Variants in MTX2 observed in about 807,000 individuals in gnomAD.
The protein encoded by MTX2 is metaxin-2.
In MTX2, 35 loss-of-function variants were observed where a neutral mutation model predicts 42.3. The ratio of observed to expected loss-of-function variants is 0.83; its 90% CI spans 0.63 to 1.10. The LOEUF (loss-of-function observed/expected upper bound fraction) is 1.10. Ranked by LOEUF, MTX2 falls within the 50% of genes least tolerant of loss-of-function variation. The probability of loss-of-function intolerance (pLI) is 0.00; values close to 1 mark genes in which losing one functional copy is unlikely to be tolerated. For synonymous variants in MTX2, 119 were observed against 100.9 expected, an observed-to-expected ratio of 1.18 and a Z score of -1.08; for missense variants, 307 against 304.1, an observed-to-expected ratio of 1.01 and a Z score of -0.07.
intron 1 of MTX2, among the ~76,000 whole-genome samples, chr2:176,277,822 G>A (rs1265321823): frequency 6.6e-6 from 1 of 151,836 alleles, no homozygotes; most frequent in Non-Finnish European, 1.5e-5. Context: ...CGACCGTCAC[G>A]TTTAAGAGAA....
At chr2:176,290,627 A>G (rs1465964376) in intron 1 of MTX2, among the ~76,000 whole-genome samples, 1 of 152,152 alleles carries the variant, frequency 6.6e-6, no homozygotes, top group Non-Finnish European at 1.5e-5. Context: ...CTCATGATTC[A>G]TAGATTTACA....
At chr2:176,283,106 A>G (rs1693119798) in intron 1 of MTX2, among the ~76,000 whole-genome samples, 1 of 152,106 alleles carries the variant, frequency 6.6e-6, no homozygotes, top group Non-Finnish European at 1.5e-5. Context: ...GGCCAACATA[A>G]CTCACACAAT....
At chr2:176,288,415 CT>C (rs1693255374) in intron 1 of MTX2, among the ~76,000 whole-genome samples, 1 of 151,906 alleles carries the variant, frequency 6.6e-6, no homozygotes. Flanking sequence ...CTTGCAGTAA[CT>C]TGTCCATGTT....
intron 1 of MTX2, among the ~76,000 whole-genome samples, chr2:176,295,992 A>G (rs976917064): frequency 6.6e-6 from 1 of 152,204 alleles, no homozygotes; most frequent in Admixed American, 6.5e-5. Flanking sequence ...TGGCTTTTAC[A>G]AAGGAGAATC....
chr2:176,289,420 A>G (rs16863668), intron 1 of MTX2, among the ~76,000 whole-genome samples: 40,357 of 151,962 alleles, frequency 0.27, 5,729 homozygotes, highest in African/African-American at 0.35. Context: ...TGCTCCTGGT[A>G]AAGAAGACAC....
intron 3 of MTX2, among the ~76,000 whole-genome samples, chr2:176,307,550 C>G (rs1272048601): frequency 6.6e-6 from 1 of 152,144 alleles, no homozygotes; most frequent in Non-Finnish European, 1.5e-5. Flanking sequence ...GAATGTTCTT[C>G]CATTTGTTTG....
At chr2:176,299,064 A>C (rs1203145682) in intron 3 of MTX2, among the ~76,000 whole-genome samples, 3 of 152,200 alleles carry the variant, frequency 2.0e-5, no homozygotes, top group South Asian at 4.1e-4. Flanking sequence ...TTTGGGTAGG[A>C]ATAGACAGTG....
In MTX2 at chr2:176,328,310, T is replaced by A; in HGVS notation, c.303T>A (p.Asp101Glu). 6.3e-7 allele frequency: 1 copy of A among 1,577,044 alleles called. No homozygotes were observed. Among genetic ancestry groups the A allele is most frequent in the Non-Finnish European group, 8.6e-7 (1 of 1,163,836 alleles). The change falls in exon 6 of 10, where the codon GAT becomes GAA. Residue 101 changes from aspartate to glutamate, a missense_variant. Coordinates refer to ENST00000249442, the MANE Select transcript of MTX2 (RefSeq NM_006554.5). ...CCCTTTAGGGCCATTCTCTTAGTGA[T>A]GGGCTGGAGGAAGTCCAAAAAGCAG... is the stretch of plus-strand genomic sequence containing the variant. ...FVKAKGHSLS[D>E]GLEEVQKAEM... is the part of the protein sequence containing the mutation.
chr2:176,318,994 A>G (rs960310763), intron 3 of MTX2, among the ~76,000 whole-genome samples: 3 of 152,238 alleles, frequency 2.0e-5, no homozygotes, highest in African/African-American at 7.2e-5. Flanking sequence ...AGTGGCTACC[A>G]TATTGGACAG....
Position 176,287,559 on chromosome 2 carries a change from G to T in MTX2, c.41-9301G>T, listed in dbSNP as rs550277524. On this transcript the variant is annotated intron_variant, in intron 1 of 9. Coordinates refer to ENST00000249442, the MANE Select transcript of MTX2 (RefSeq NM_006554.5). ...CAAAATTGAAACACTTCTCGTGTCA[G>T]GAATTTTGGATAAGGGATACTCAAC... is the stretch of plus-strand genomic sequence containing the variant. 2.6e-5 allele frequency among the ~76,000 whole-genome samples: 4 copies of T among 152,248 alleles called. 1 individual carries two copies. The South Asian group carries it at 8.3e-4, about 32-fold the overall frequency.
At chr2:176,284,970 C>T (rs1252097502) in intron 1 of MTX2, among the ~76,000 whole-genome samples, 1 of 152,176 alleles carries the variant, frequency 6.6e-6, no homozygotes, top group African/African-American at 2.4e-5. Flanking sequence ...ATAACTTTAT[C>T]AAGTTCCTCA....
intron 3 of MTX2, among the ~76,000 whole-genome samples, chr2:176,312,763 T>C (rs1210102230): frequency 6.7e-6 from 1 of 148,544 alleles, no homozygotes; most frequent in Admixed American, 6.9e-5. Context: ...CTCGTGAGGC[T>C]GAGGTGAGAG....
intron 1 of MTX2, among the ~76,000 whole-genome samples, chr2:176,285,007 T>G (rs1693162434): frequency 1.3e-5 from 2 of 152,214 alleles, no homozygotes; most frequent in African/African-American, 4.8e-5. Context: ...TGAGAACTAC[T>G]GTTGTAAGAT....
intron 3 of MTX2, among the ~76,000 whole-genome samples, chr2:176,308,348 T>A (rs1385972259): frequency 6.6e-6 from 1 of 152,180 alleles, no homozygotes; most frequent in Non-Finnish European, 1.5e-5. Context: ...ATCAGTAATG[T>A]TGGTCTAAAA....
intron 1 of MTX2, among the ~76,000 whole-genome samples, chr2:176,282,583 C>G (rs1409760034): frequency 6.6e-6 from 1 of 151,968 alleles, no homozygotes; most frequent in Non-Finnish European, 1.5e-5. Flanking sequence ...GTTATTTCTT[C>G]ATGAATATTT....
chr2:176,290,865 T>C (rs1254260821), intron 1 of MTX2, among the ~76,000 whole-genome samples: 1 of 151,884 alleles, frequency 6.6e-6, no homozygotes, highest in African/African-American at 2.4e-5. Context: ...ACCTTTGCAC[T>C]AACACTAAAA....
chr2:176,299,906 TTGG>T (rs1196950469), intron 3 of MTX2, among the ~76,000 whole-genome samples: 1 of 151,954 alleles, frequency 6.6e-6, no homozygotes, highest in Non-Finnish European at 1.5e-5. Flanking sequence ...ACACATACAC[TTGG>T]TGTTTATTAT....
At chr2:176,313,418 G>T (rs1426942021) in intron 3 of MTX2, among the ~76,000 whole-genome samples, 1 of 133,264 alleles carries the variant, frequency 7.5e-6, no homozygotes, top group Non-Finnish European at 1.6e-5. Context: ...TTGGAGATAG[G>T]GTCTCACTCT....
At chr2:176,325,513 A>G (rs975138375) in intron 4 of MTX2, among the ~76,000 whole-genome samples, 1 of 151,738 alleles carries the variant, frequency 6.6e-6, no homozygotes, top group Non-Finnish European at 1.5e-5. Context: ...ACAACGCTCA[A>G]TGTATTTTTA....
Sources: allele counts gnomAD v4.1 joint callset (sites outside exome capture counted in the v4.1 genomes callset), GRCh38; gene constraint gnomAD v4.1.1; transcripts MANE v1.5; gene names NCBI Gene and HGNC (gene_info 2026-07-23, HGNC 2026-07-21).